Variants in KATNIP observed in about 807,000 individuals in gnomAD.
KATNIP encodes katanin interacting protein.
A neutral mutation model predicts 174.0 loss-of-function variants in KATNIP; 126 were observed. The observed-to-expected ratio is 0.72, with a 90% CI of 0.63 to 0.84. KATNIP has a LOEUF of 0.84. Among genes scored for constraint, KATNIP ranks in the 40% least tolerant of loss-of-function variants. The probability of loss-of-function intolerance (pLI) is 0.00; values close to 1 mark genes in which losing one functional copy is unlikely to be tolerated. For missense variants in KATNIP, 1,958 were observed against 2,109.7 expected (o/e 0.93, Z 1.41); for synonymous variants, 810 against 835.7 (o/e 0.97, Z 0.53).
chr16:27,578,493 GC>G (rs2090579988), intron 2 of KATNIP, among the ~76,000 whole-genome samples: 1 of 152,144 alleles, frequency 6.6e-6, no homozygotes, highest in African/African-American at 2.4e-5. Context: ...TTATAGATGA[GC>G]CCCAAATAAA....
chr16:27,646,993 T>A (rs1257839996), intron 5 of KATNIP, among the ~76,000 whole-genome samples: 1 of 152,126 alleles, frequency 6.6e-6, no homozygotes, highest in African/African-American at 2.4e-5. Context: ...ACCTAGAAGA[T>A]GCAATGCACA....
intron 1 of KATNIP, 82 bp downstream of exon 1, chr16:27,550,259 C>T: frequency 6.7e-7 from 1 of 1,498,544 alleles, no homozygotes; most frequent in Admixed American, 1.9e-5. Context: ...GAATCCTAGG[C>T]CATGAACCCC....
At chr16:27,627,931 G>A (rs886540213) in intron 3 of KATNIP, among the ~76,000 whole-genome samples, 3 of 152,164 alleles carry the variant, frequency 2.0e-5, no homozygotes, top group African/African-American at 7.2e-5. Flanking sequence ...ATCAGGATTG[G>A]GTAAAGGACC....
At chr16:27,674,993 A>G (rs1329032438) in intron 6 of KATNIP, among the ~76,000 whole-genome samples, 1 of 152,250 alleles carries the variant, frequency 6.6e-6, no homozygotes, top group East Asian at 1.9e-4. Flanking sequence ...TCTCATCTGT[A>G]GATGAGTGAA....
At chr16:27,639,458 A>G (rs964397012) in intron 5 of KATNIP, among the ~76,000 whole-genome samples, 3 of 152,242 alleles carry the variant, frequency 2.0e-5, no homozygotes, top group African/African-American at 4.8e-5. Flanking sequence ...GGCCTAATCA[A>G]CAGAGCCGTC....
At chr16:27,614,932 C>A (rs2075997254) in intron 2 of KATNIP, among the ~76,000 whole-genome samples, 1 of 152,144 alleles carries the variant, frequency 6.6e-6, no homozygotes, top group Admixed American at 6.5e-5. Context: ...ACATCAGGCT[C>A]TTTTCCTTGT....
chr16:27,729,915 C>T (rs535235843), intron 14 of KATNIP, among the ~76,000 whole-genome samples: 321 of 152,340 alleles, frequency 2.1e-3, no homozygotes, highest in African/African-American at 7.4e-3. Context: ...ACCTCATTCC[C>T]GTGTATCCCC....
At chr16:27,769,798 G>A in intron 20 of KATNIP, 63 bp from the exon 21 acceptor site, 2 of 1,584,644 alleles carry the variant, frequency 1.3e-6, no homozygotes. Context: ...GGTCACGTCA[G>A]CACCGCTTCT....
Position 27,771,650 on chromosome 16 carries a change from G to C in KATNIP, c.4196G>C (p.Gly1399Ala). ...MDYEAPLMPCGFIFQFQLLTS... is the reference protein window; with the variant it reads ...MDYEAPLMPCAFIFQFQLLTS... ...TACGAGGCACCGCTGATGCCCTGTGGCTGTATCCTTCTCCTCCCGCCCCAC... is the reference window on the plus strand; with the variant it reads ...TACGAGGCACCGCTGATGCCCTGTGCCTGTATCCTTCTCCTCCCGCCCCAC... The change falls in exon 22 of 28, where the codon GGC (glycine) becomes GCC (alanine). Residue 1399 changes from glycine (G) to alanine (A), a missense_variant and splice_region_variant. Transcript: ENST00000261588. The C allele has an allele frequency of 6.2e-7, 1 of 1,613,300 alleles. No individual in the cohort carries two copies. Among genetic ancestry groups the C allele is most frequent in the Non-Finnish European group, 8.5e-7 (1 of 1,179,612 alleles).
chr16:27,631,555 A>C (rs1384355574), intron 5 of KATNIP, among the ~76,000 whole-genome samples: 1 of 151,878 alleles, frequency 6.6e-6, no homozygotes, highest in Non-Finnish European at 1.5e-5. Context: ...AAAAAAAAAA[A>C]AAAAACACCC....
At position 27,777,852 on chromosome 16, in the gene KATNIP, C is replaced by T. The variant is rs149678593; in HGVS notation, c.4713-29C>T. On this transcript the variant is annotated intron_variant, in intron 26 of 27. Transcript: ENST00000261588. This position sits in a 1 kb window ranked among gnomAD's most constrained non-coding sequence, Gnocchi z 4.4. ...TGGGACACACGGCCAGGAGCCTGAT[C>T]GAATCTTGTGTTTCCTTCCTACCCT... 411 of 1,613,302 alleles carry T rather than the reference C, an allele frequency of 2.5e-4. 1 individual carries two copies. In the African/African-American group the frequency reaches 4.9e-3, roughly 19 times the overall value.
chr16:27,693,410 A>G (rs2078802424), intron 8 of KATNIP, among the ~76,000 whole-genome samples: 1 of 151,778 alleles, frequency 6.6e-6, no homozygotes, highest in Admixed American at 6.6e-5. Context: ...TTTTTTTGAG[A>G]TGGAGTCTCG....
At chr16:27,603,627 A>G (rs942710569) in intron 2 of KATNIP, among the ~76,000 whole-genome samples, 2 of 151,332 alleles carry the variant, frequency 1.3e-5, no homozygotes, top group Non-Finnish European at 2.9e-5. Context: ...TCTTTTTTAG[A>G]GATGGCATCT....
At chr16:27,766,114 T>A (rs1306587345) in intron 19 of KATNIP, among the ~76,000 whole-genome samples, 195 bp from the exon 20 acceptor site, 1 of 151,642 alleles carries the variant, frequency 6.6e-6, no homozygotes, top group Non-Finnish European at 1.5e-5. Flanking sequence ...TTTTAAAAAA[T>A]GTCTCATTTC....
chr16:27,555,150 G>C (rs2089563239), intron 1 of KATNIP, among the ~76,000 whole-genome samples: 1 of 152,148 alleles, frequency 6.6e-6, no homozygotes, highest in South Asian at 2.1e-4. Context: ...ATAAAGTGAA[G>C]CATACCTTAT....
chr16:27,740,117 G>A lies in KATNIP; in HGVS notation c.1820G>A (p.Gly607Glu), dbSNP rs767711647. The change falls in exon 15 of 28, where the codon GGA (glycine) becomes GAA (glutamate). Residue 607 changes from glycine (G) to glutamate (E), a missense_variant. By Grantham distance (98) the Gly-to-Glu change is moderately conservative. Transcript: ENST00000261588. Reference protein sequence around the residue: ...NLIFNGKLDKGDREAPADHSI... With the variant: ...NLIFNGKLDKEDREAPADHSI... ...ATCTTCAATGGCAAGTTAGACAAAG[G>A]AGATAGGGAGGCCCCAGCTGACCAC... is the stretch of plus-strand genomic sequence containing the variant. 2 of 1,614,166 alleles carry A rather than the reference G, an allele frequency of 1.2e-6. No individual in the cohort carries two copies. Among genetic ancestry groups the A allele is most frequent in the Admixed American group, 3.3e-5 (2 of 60,022 alleles).
At chr16:27,698,063 A>G (rs913512033) in intron 8 of KATNIP, among the ~76,000 whole-genome samples, 3 of 152,074 alleles carry the variant, frequency 2.0e-5, no homozygotes, top group Non-Finnish European at 4.4e-5. Flanking sequence ...CTGTATTTGA[A>G]TTTTCCCAGT....
At chr16:27,653,277 GC>G (rs1432865598) in intron 6 of KATNIP, among the ~76,000 whole-genome samples, 1 of 152,214 alleles carries the variant, frequency 6.6e-6, no homozygotes, top group African/African-American at 2.4e-5. Flanking sequence ...CTTCTGGAAT[GC>G]CTTCTGAGTG....
intron 14 of KATNIP, among the ~76,000 whole-genome samples, chr16:27,723,505 A>T (rs998429202): frequency 2.0e-5 from 3 of 151,394 alleles, no homozygotes; most frequent in African/African-American, 4.9e-5. Flanking sequence ...CTTCTCTGGG[A>T]CCTCATGAAC....
Sources: allele counts gnomAD v4.1 joint callset (sites outside exome capture counted in the v4.1 genomes callset), GRCh38; gene constraint gnomAD v4.1.1; non-coding constraint Gnocchi (gnomAD v3.1); transcripts MANE v1.5; gene names NCBI Gene and HGNC (gene_info 2026-07-23, HGNC 2026-07-21).